WDR19: variants seen among roughly 807,000 people sequenced by gnomAD.
WDR19 encodes WD repeat domain 19.
WDR19 carries 121 observed loss-of-function variants against 180.0 expected under a neutral mutation model. The ratio of observed to expected loss-of-function variants is 0.67; its 90% confidence interval spans 0.58 to 0.78. The LOEUF (loss-of-function observed/expected upper bound fraction) is 0.78. Among genes scored for constraint, WDR19 ranks in the 30% least tolerant of loss-of-function variants. The pLI is 0.00. For missense variants in WDR19, 1,450 were observed against 1,640.7 expected (o/e 0.88, Z 2.01); for synonymous variants, 497 against 540.7 (o/e 0.92, Z 1.12).
chr4:39,227,520 C>T (rs1730399068), intron 15 of WDR19, among the ~76,000 whole-genome samples: 2 of 152,036 alleles, frequency 1.3e-5, no homozygotes, highest in African/African-American at 4.8e-5. Flanking sequence ...GTCTATATTC[C>T]CCATACAGTA....
chr4:39,192,067 A>G (rs1726217573), intron 4 of WDR19, among the ~76,000 whole-genome samples: 1 of 152,136 alleles, frequency 6.6e-6, no homozygotes, highest in African/African-American at 2.4e-5. Context: ...ACATTTGATT[A>G]CTTGATCTTC....
At chr4:39,263,384 T>TC (rs547058050) in intron 28 of WDR19, among the ~76,000 whole-genome samples, 49 of 152,152 alleles carry the variant, frequency 3.2e-4, no homozygotes, top group Non-Finnish European at 6.0e-4. Flanking sequence ...TGGACATTTT[T>TC]CCCCTCAGAA....
intron 9 of WDR19, among the ~76,000 whole-genome samples, chr4:39,206,946 T>C (rs1221631463): frequency 1.3e-5 from 2 of 152,188 alleles, no homozygotes; most frequent in Non-Finnish European, 2.9e-5. Flanking sequence ...AATCTCATAA[T>C]TTCACAAGGT....
intron 1 of WDR19, among the ~76,000 whole-genome samples, 160 bp downstream of exon 1, chr4:39,182,723 G>A (rs1407350288): frequency 6.6e-6 from 1 of 152,130 alleles, no homozygotes; most frequent in Non-Finnish European, 1.5e-5. Flanking sequence ...GGGCGAAGCT[G>A]AAGGGACGAG....
intron 20 of WDR19, 85 bp from the exon 21 acceptor site, chr4:39,240,177 TAAAAAAAAAAAAAAA>T (rs55876795): frequency 2.0e-5 from 3 of 146,878 alleles, no homozygotes; most frequent in Non-Finnish European, 2.9e-5. Flanking sequence ...ACCCTGTCTC[TAAAAAAAAAAAAAAA>T]AAAAAAAAAA....
chr4:39,186,605 G>A lies in WDR19; in HGVS notation c.164+1G>A, dbSNP rs1442141063. ...AAAGAAGTGAAATTAACTTACCTGG[G>A]TAAGTACAGAAGTAGATTTAAAAAA... is the stretch of plus-strand genomic sequence containing the variant. On this transcript the variant is annotated splice_donor_variant, in intron 3 of 36. Transcript: ENST00000399820. LOFTEE classifies it high-confidence loss of function. 6.4e-7 allele frequency: 1 copy of A among 1,570,078 alleles called. No homozygotes were observed. Among genetic ancestry groups the A allele is most frequent in the East Asian group, 2.3e-5 (1 of 43,272 alleles).
Position 39,185,769 on chromosome 4 carries a change from T to C in WDR19, c.50T>C (p.Ile17Thr). ...GAAAAGACTTGGCTTGGCGCACCAATACAGTTTGCCTGGCAAAAAACATCA... is the reference window on the plus strand; with the variant it reads ...GAAAAGACTTGGCTTGGCGCACCAACACAGTTTGCCTGGCAAAAAACATCA... ...LLEKTWLGAP[I>T]QFAWQKTSGN... The change falls in exon 2 of 37, where the codon ATA becomes ACA. Residue 17 changes from isoleucine to threonine, a missense_variant. Transcript: ENST00000399820. 1 of 1,559,810 alleles carries C rather than the reference T, an allele frequency of 6.4e-7. No individual in the cohort carries two copies. Among genetic ancestry groups the C allele is most frequent in the Non-Finnish European group, 8.7e-7 (1 of 1,150,858 alleles).
intron 28 of WDR19, among the ~76,000 whole-genome samples, chr4:39,264,999 C>T (rs1438964815): frequency 6.7e-6 from 1 of 150,112 alleles, no homozygotes; most frequent in Non-Finnish European, 1.5e-5. Flanking sequence ...CTCACTGCAA[C>T]CTTTGCCTCC....
Position 39,194,626 on chromosome 4 carries a change from A to C in WDR19, c.373A>C (p.Asn125His), listed in dbSNP as rs568869081. ...TGTTAAAGGAAATTTGCTTATTTAT[A>C]ATCATCAGACATCTCGAAAGATTCC... Reference protein sequence around the residue: ...GTVKGNLLIYNHQTSRKIPVL... With the variant: ...GTVKGNLLIYHHQTSRKIPVL... Residue 125 changes from asparagine (N) to histidine (H), a missense_variant, in exon 5 of 37, where the codon AAT (asparagine) becomes CAT (histidine). Coordinates refer to ENST00000399820, the MANE Select transcript of WDR19 (RefSeq NM_025132.4). 4.3e-6 allele frequency: 7 copies of C among 1,613,038 alleles called. No individual in the cohort carries two copies. The East Asian group carries it at 1.6e-4, about 36-fold the overall frequency.
At chr4:39,186,478 C>CATAAA in intron 2 of WDR19, 61 bp from the exon 3 acceptor site, 1 of 362,096 alleles carries the variant, frequency 2.8e-6, no homozygotes, top group Admixed American at 1.0e-4. Context: ...GACTCTGTCT[C>CATAAA]AAAAAAAAAA....
chr4:39,205,164 T>C lies in WDR19; in HGVS notation c.614T>C (p.Val205Ala). 1.9e-6 allele frequency: 3 copies of C among 1,585,178 alleles called. No individual in the cohort carries two copies. The highest frequency in any genetic ancestry group is 2.6e-6 in the Non-Finnish European group (3 of 1,164,392). ...TSAAESMISVVLGKKTLFFLN... is the reference protein window; with the variant it reads ...TSAAESMISVALGKKTLFFLN... Reference sequence around the variant, plus strand: ...AATCTTTTCTGGCAGATAAGTGTGGTGCTTGGCAAGAAAACTTTGTTTTTT... The same window carrying C: ...AATCTTTTCTGGCAGATAAGTGTGGCGCTTGGCAAGAAAACTTTGTTTTTT... The change falls in exon 8 of 37, where the codon GTG (valine) becomes GCG (alanine). Residue 205 changes from valine to alanine, a missense_variant. Physicochemically the swap from Val to Ala is moderately conservative, Grantham distance 64. Coordinates refer to ENST00000399820, the MANE Select transcript of WDR19 (RefSeq NM_025132.4).
At chr4:39,266,365 T>C (rs557852283) in intron 29 of WDR19, among the ~76,000 whole-genome samples, 3 of 152,128 alleles carry the variant, frequency 2.0e-5, no homozygotes, top group Admixed American at 6.5e-5. Context: ...ACACTAACAA[T>C]AGCTGATGAG....
intron 3 of WDR19, among the ~76,000 whole-genome samples, chr4:39,188,618 C>CAAAAAAAAAAAAAA (rs60149380): frequency 1.2e-5 from 1 of 81,172 alleles, no homozygotes. Context: ...GACCTTGTCT[C>CAAAAAAAAAAAAAA]AAAAAAAAAA....
chr4:39,198,257 ACTTCT>A (rs1488338926), intron 5 of WDR19, among the ~76,000 whole-genome samples: 3 of 152,278 alleles, frequency 2.0e-5, no homozygotes, highest in East Asian at 3.9e-4. Flanking sequence ...TCTGGAATTT[ACTTCT>A]CTTAAGACAT....
chr4:39,245,594 G>A, intron 24 of WDR19, 142 bp downstream of exon 24: 2 of 771,704 alleles, frequency 2.6e-6, no homozygotes, highest in East Asian at 2.7e-5. Flanking sequence ...GGCCTGAAGT[G>A]CCAGACTATT....
At chr4:39,281,230 TATATATAG>T (rs1406034074) in intron 36 of WDR19, among the ~76,000 whole-genome samples, 1 of 97,126 alleles carries the variant, frequency 1.0e-5, no homozygotes. Flanking sequence ...TATATATATA[TATATATAG>T]AGAGAGAGAG....
chr4:39,194,152 A>G (rs1439202524), intron 4 of WDR19, among the ~76,000 whole-genome samples: 1 of 152,194 alleles, frequency 6.6e-6, no homozygotes, highest in Non-Finnish European at 1.5e-5. Context: ...AATGATTTTT[A>G]CCATTTAATA....
intron 15 of WDR19, among the ~76,000 whole-genome samples, chr4:39,227,557 T>A (rs191663772): frequency 6.6e-6 from 1 of 152,292 alleles, no homozygotes; most frequent in Admixed American, 6.5e-5. Flanking sequence ...AGCATTTATA[T>A]TGTATTAGGT....
At chr4:39,205,847 C>T (rs1041233040) in intron 9 of WDR19, 111 bp downstream of exon 9, 19 of 1,009,820 alleles carry the variant, frequency 1.9e-5, no homozygotes, top group African/African-American at 8.2e-5. Flanking sequence ...CAATTTAAAA[C>T]GTCTAAGACT....
Sources: allele counts gnomAD v4.1 joint callset (sites outside exome capture counted in the v4.1 genomes callset), GRCh38; gene constraint gnomAD v4.1.1; transcripts MANE v1.5; gene names NCBI Gene and HGNC (gene_info 2026-07-23, HGNC 2026-07-21).